GLT8D2: variants seen among roughly 807,000 people sequenced by gnomAD.
The protein encoded by GLT8D2 is glycosyltransferase 8 domain-containing protein 2.
GLT8D2 carries 45 observed loss-of-function variants against 44.5 expected under a neutral mutation model. The ratio of observed to expected loss-of-function variants is 1.01; its 90% confidence interval spans 0.80 to 1.30. GLT8D2 has a LOEUF of 1.30. Ranked by LOEUF, GLT8D2 falls within the 50% of genes most tolerant of loss-of-function variation. The pLI is 0.00. For synonymous variants in GLT8D2, 156 were observed against 157.2 expected, an observed-to-expected ratio of 0.99 and a Z score of 0.06; for missense variants, 400 against 430.4, an observed-to-expected ratio of 0.93 and a Z score of 0.62.
At chr12:104,038,721 C>A (rs1364652379) in intron 1 of GLT8D2, among the ~76,000 whole-genome samples, 6 of 152,124 alleles carry the variant, frequency 3.9e-5, no homozygotes, top group African/African-American at 1.4e-4. Context: ...CCATACTGCC[C>A]AAGGTAACTT....
At chr12:104,045,937 A>AAAAG (rs1282993419) in intron 1 of GLT8D2, among the ~76,000 whole-genome samples, 4 of 113,638 alleles carry the variant, frequency 3.5e-5, no homozygotes, top group South Asian at 3.2e-4. Context: ...GAAAGAAAGA[A>AAAAG]AAAGAAAGAA....
intron 1 of GLT8D2, among the ~76,000 whole-genome samples, chr12:104,046,550 T>G (rs1881171319): frequency 6.6e-6 from 1 of 152,226 alleles, no homozygotes; most frequent in South Asian, 2.1e-4. Context: ...GCTATCACTG[T>G]GTCAAGCAAC....
intron 4 of GLT8D2, among the ~76,000 whole-genome samples, chr12:104,005,113 C>A (rs903651253): frequency 1.3e-5 from 2 of 152,026 alleles, no homozygotes; most frequent in Admixed American, 6.6e-5. Context: ...ACAAACCTGA[C>A]AAAAACAAGA....
intron 1 of GLT8D2, among the ~76,000 whole-genome samples, chr12:104,036,330 T>C (rs1163843092): frequency 6.6e-6 from 1 of 152,192 alleles, no homozygotes. Context: ...TAAATGTAAA[T>C]GGACTATATG....
chr12:104,022,052 AGAAGGG>A lies in GLT8D2; in HGVS notation c.-163-567_-163-562del, dbSNP rs1206243237. On this transcript the variant is annotated intron_variant, in intron 1 of 10. Coordinates refer to ENST00000360814, the MANE Select transcript of GLT8D2 (RefSeq NM_001384711.1). Reference sequence around the variant, plus strand: ...AAGAAGAAGAAGAAGAAGAAGAAGAAGAAGGGAAAGAAAGAAAGAAAGAAAAAAAAA... The same window carrying A: ...AAGAAGAAGAAGAAGAAGAAGAAGAAAAAGAAAGAAAGAAAGAAAAAAAAA... Among the ~76,000 whole-genome samples the A allele has an allele frequency of 2.7e-4, 35 of 130,602 alleles. 6 individuals are homozygous for A. The highest frequency in any genetic ancestry group is 1.1e-3 in the African/African-American group (30 of 27,452). The allele number at this position is 130,602 out of a possible 152,430, so 85.7% of individuals were successfully genotyped here.
intron 1 of GLT8D2, among the ~76,000 whole-genome samples, chr12:104,045,958 TAAGAAAGA>T (rs141480385): frequency 6.8e-5 from 9 of 132,636 alleles, no homozygotes; most frequent in African/African-American, 1.1e-4. Flanking sequence ...AGAAAGAAAA[TAAGAAAGA>T]AAGAAAGAAA....
At chr12:104,013,055 T>C (rs1418081995) in intron 4 of GLT8D2, among the ~76,000 whole-genome samples, 4 of 152,260 alleles carry the variant, frequency 2.6e-5, no homozygotes, top group Non-Finnish European at 5.9e-5. Flanking sequence ...TATTTTGTTA[T>C]GGCAGCCCAA....
chr12:104,003,058 G>C (rs1030157470), intron 5 of GLT8D2, 77 bp downstream of exon 5: 3 of 1,099,358 alleles, frequency 2.7e-6, no homozygotes, highest in South Asian at 2.8e-5. Flanking sequence ...AAGAAGAAGA[G>C]GTAGGGAGGG....
chr12:104,039,861 G>T (rs1157940798), intron 1 of GLT8D2, among the ~76,000 whole-genome samples: 1 of 152,124 alleles, frequency 6.6e-6, no homozygotes, highest in African/African-American at 2.4e-5. Context: ...GTTTATTGCT[G>T]CACTATTCAC....
intron 10 of GLT8D2, among the ~76,000 whole-genome samples, chr12:103,991,442 C>T (rs577893260): frequency 3.0e-4 from 46 of 152,296 alleles, no homozygotes; most frequent in African/African-American, 1.0e-3. Context: ...CCCGCTTCAA[C>T]CTCCCAAAGT....
chr12:104,019,319 G>T (rs1318991193), intron 3 of GLT8D2, among the ~76,000 whole-genome samples: 1 of 151,708 alleles, frequency 6.6e-6, no homozygotes, highest in Non-Finnish European at 1.5e-5. Flanking sequence ...GTAGAGATGG[G>T]GTCTCTCCAT....
intron 4 of GLT8D2, among the ~76,000 whole-genome samples, chr12:104,009,537 G>A (rs1875539594): frequency 6.6e-6 from 1 of 152,208 alleles, no homozygotes; most frequent in South Asian, 2.1e-4. Context: ...TTGGATTGTG[G>A]AGTTTTGAGT....
chr12:104,041,200 G>C (rs1880511181), intron 1 of GLT8D2, among the ~76,000 whole-genome samples: 1 of 152,100 alleles, frequency 6.6e-6, no homozygotes, highest in African/African-American at 2.4e-5. Context: ...GATCATCTGG[G>C]GTCAGGAGTT....
intron 1 of GLT8D2, among the ~76,000 whole-genome samples, chr12:104,058,149 G>C (rs1882342576): frequency 6.6e-6 from 1 of 152,180 alleles, no homozygotes; most frequent in African/African-American, 2.4e-5. Flanking sequence ...CTCCTCTAGG[G>C]ACTGCTGATG....
chr12:103,994,267 G>T, intron 9 of GLT8D2, 68 bp downstream of exon 9: 1 of 1,436,608 alleles, frequency 7.0e-7, no homozygotes, highest in Non-Finnish European at 9.5e-7. Context: ...CTTGAACTAT[G>T]TGTGGAAAAT....
At chr12:103,995,951 A>G (rs1873364234) in intron 8 of GLT8D2, among the ~76,000 whole-genome samples, 1 of 152,238 alleles carries the variant, frequency 6.6e-6, no homozygotes, top group African/African-American at 2.4e-5. Context: ...AGGAAGTACT[A>G]TTATTACCTC....
chr12:104,011,782 C>T (rs957971950), intron 4 of GLT8D2, among the ~76,000 whole-genome samples: 1 of 152,104 alleles, frequency 6.6e-6, no homozygotes, highest in African/African-American at 2.4e-5. Flanking sequence ...AGACCTCTCA[C>T]TCCCACTCCA....
intron 10 of GLT8D2, among the ~76,000 whole-genome samples, chr12:103,990,104 TA>T (rs1872552918): frequency 1.2e-4 from 4 of 33,858 alleles, no homozygotes; most frequent in African/African-American, 3.7e-4. Context: ...TATATATATA[TA>T]TATATATATA....
rs751624313 is a variant in GLT8D2 at position 103,999,458 on chromosome 12, T to A, written c.341A>T (p.Asn114Ile). 2.5e-6 allele frequency: 4 copies of A among 1,613,460 alleles called. No individual in the cohort carries two copies. The highest frequency in any genetic ancestry group is 3.4e-6 in the Non-Finnish European group (4 of 1,179,576). Residue 114 changes from asparagine (N) to isoleucine (I), a missense_variant, in exon 6 of 11, where the codon AAC becomes ATC. Physicochemically the swap from Asn to Ile is moderately radical, Grantham distance 149. Transcript: ENST00000360814. ...REINFKIVEF[N>I]PMVLKGKIRP... is the part of the protein sequence containing the mutation. ...GATCTTCCCTTTGAGGACCATCGGG[T>A]TGAATTCCACGATTTTAAAGTTTAT...
Sources: allele counts gnomAD v4.1 joint callset (sites outside exome capture counted in the v4.1 genomes callset), GRCh38; gene constraint gnomAD v4.1.1; transcripts MANE v1.5; gene names NCBI Gene and HGNC (gene_info 2026-07-23, HGNC 2026-07-21).